ATP1B3: variants seen among roughly 807,000 people sequenced by gnomAD.
ATP1B3 encodes sodium/potassium-transporting ATPase subunit beta-3.
ATP1B3 carries 10 observed loss-of-function variants against 30.2 expected under a neutral mutation model. The observed-to-expected ratio is 0.33, with a 90% confidence interval of 0.20 to 0.56. ATP1B3 has a LOEUF of 0.56. Among genes scored for constraint, ATP1B3 ranks in the 20% least tolerant of loss-of-function variants. ATP1B3 has a pLI of 0.90. For synonymous variants in ATP1B3, 113 were observed against 117.0 expected (o/e 0.97, Z 0.22); for missense variants, 238 against 336.7 (o/e 0.71, Z 2.29).
chr3:141,885,205 C>G (rs1933805080), intron 1 of ATP1B3, among the ~76,000 whole-genome samples: 1 of 152,172 alleles, frequency 6.6e-6, no homozygotes, highest in Non-Finnish European at 1.5e-5. Context: ...CCTCTTGAAT[C>G]TTTGTGGCCC....
At chr3:141,895,144 A>T (rs1289724674) in intron 1 of ATP1B3, among the ~76,000 whole-genome samples, 2 of 148,492 alleles carry the variant, frequency 1.3e-5, no homozygotes, top group Non-Finnish European at 3.0e-5. Flanking sequence ...CTCATAGGAG[A>T]TGACAGCTCC....
At chr3:141,922,267 A>T in intron 6 of ATP1B3, 1 of 412,782 alleles carries the variant, frequency 2.4e-6, no homozygotes, top group Non-Finnish European at 4.4e-6. Context: ...CAGATACGTT[A>T]AAGTTAGATG....
intron 6 of ATP1B3, 29 bp from the exon 7 acceptor site, chr3:141,925,502 G>A: frequency 6.4e-7 from 1 of 1,572,212 alleles, no homozygotes; most frequent in East Asian, 2.2e-5. Context: ...CATAGAGTTT[G>A]AATTAATATA....
chr3:141,898,156 G>T (rs1934103335), intron 1 of ATP1B3, among the ~76,000 whole-genome samples: 1 of 152,136 alleles, frequency 6.6e-6, no homozygotes, highest in South Asian at 2.1e-4. Flanking sequence ...AAAATTCTTA[G>T]AAGTAAACAT....
intron 2 of ATP1B3, among the ~76,000 whole-genome samples, chr3:141,905,099 A>C (rs1934240199): frequency 6.6e-6 from 1 of 152,158 alleles, no homozygotes; most frequent in South Asian, 2.1e-4. Flanking sequence ...AAGAAACAGT[A>C]ATGTGCAGAA....
chr3:141,880,334 G>A (rs1933698918), intron 1 of ATP1B3, among the ~76,000 whole-genome samples: 1 of 152,156 alleles, frequency 6.6e-6, no homozygotes, highest in South Asian at 2.1e-4. Flanking sequence ...GTTACTTCAT[G>A]TGATTTTCAC....
At position 141,903,721 on chromosome 3, in the gene ATP1B3, A is replaced by C; in HGVS notation, c.211A>C (p.Lys71Gln). ...MLQTLNDEVPKYRDQIPSPGL... is the reference protein window; with the variant it reads ...MLQTLNDEVPQYRDQIPSPGL... ...TCAGACTCTCAACGATGAGGTTCCA[A>C]AATACCGTGACCAGATTCCTAGCCC... Residue 71 changes from lysine (K) to glutamine (Q), a missense_variant, in exon 2 of 7, where the codon AAA becomes CAA. Physicochemically the swap from Lys to Gln is moderately conservative, Grantham distance 53 (BLOSUM62 1). Around this residue, in one of 3 missense-constraint regions of ATP1B3, gnomAD observed 130 missense variants for 148.8 expected, o/e 0.87. Transcript: ENST00000286371. 6.2e-7 allele frequency: 1 copy of C among 1,614,036 alleles called. No individual in the cohort carries two copies. The highest frequency in any genetic ancestry group is 8.5e-7 in the Non-Finnish European group (1 of 1,179,952).
chr3:141,890,084 T>G (rs55945175), intron 1 of ATP1B3, among the ~76,000 whole-genome samples: 14,581 of 106,706 alleles, frequency 0.14, 921 homozygotes, highest in Middle Eastern at 0.19. Context: ...CTAATTTTTT[T>G]TCTTTTTTTT....
At chr3:141,891,644 CCTA>C (rs970040367) in intron 1 of ATP1B3, among the ~76,000 whole-genome samples, 20 of 152,140 alleles carry the variant, frequency 1.3e-4, no homozygotes, top group African/African-American at 4.6e-4. Context: ...TTAAATCTCT[CCTA>C]CTTTCTTTGT....
At chr3:141,900,909 A>G (rs114327426) in intron 1 of ATP1B3, among the ~76,000 whole-genome samples, 201 of 152,140 alleles carry the variant, frequency 1.3e-3, no homozygotes, top group African/African-American at 4.7e-3. Context: ...CAGCCTCTCA[A>G]GTAGCTGGAA....
chr3:141,925,568 G>C lies in ATP1B3; in HGVS notation c.707G>C (p.Ser236Thr). The change falls in exon 7 of 7, where the codon AGC (serine) becomes ACC (threonine). Residue 236 changes from serine to threonine, a missense_variant. Transcript: ENST00000286371. ...CAGCCATTGGTTGCTGTTCAGGTCA[G>C]CTTTGCTCCTAACAACACTGGGAAA... ...YLQPLVAVQV[S>T]FAPNNTGKEV... 1 of 1,613,720 alleles carries C rather than the reference G, an allele frequency of 6.2e-7. No individual in the cohort carries two copies.
chr3:141,921,130 G>GT (rs1559874475), intron 5 of ATP1B3, among the ~76,000 whole-genome samples: 8 of 152,068 alleles, frequency 5.3e-5, no homozygotes, highest in African/African-American at 1.9e-4. Flanking sequence ...CTAGTGTTCC[G>GT]TAAGCCCAGC....
In ATP1B3 at chr3:141,913,741, T is replaced by G. The variant is rs765178361; in HGVS notation, c.436T>G (p.Phe146Val). The G allele has an allele frequency of 6.2e-7, 1 of 1,614,038 alleles. No individual in the cohort carries two copies. Among genetic ancestry groups the G allele is most frequent in the Admixed American group, 1.7e-5 (1 of 60,024 alleles). The change falls in exon 4 of 7, where the codon TTT (phenylalanine) becomes GTT (valine). Residue 146 changes from phenylalanine to valine, a missense_variant. Physicochemically the swap from Phe to Val is conservative, Grantham distance 50 (BLOSUM62 -1). This residue lies in a region of ATP1B3 where 58 missense variants were observed against 125.6 expected (regional missense o/e 0.46). Coordinates refer to ENST00000286371, the MANE Select transcript of ATP1B3 (RefSeq NM_001679.4). ...GGGTCCAGTTTATGTTGCATGTCAG[T>G]TTCCTATTTCATTACTTCAAGCATG... ...QKGPVYVACQ[F>V]PISLLQACSG...
intron 5 of ATP1B3, among the ~76,000 whole-genome samples, chr3:141,919,252 C>T (rs766791466): frequency 4.0e-5 from 6 of 149,310 alleles, no homozygotes; most frequent in Non-Finnish European, 8.9e-5. Flanking sequence ...AAAATACAAA[C>T]ACTTAACATA....
intron 2 of ATP1B3, among the ~76,000 whole-genome samples, chr3:141,904,749 G>A (rs1329847909): frequency 9.3e-6 from 1 of 107,244 alleles, no homozygotes; most frequent in African/African-American, 3.7e-5. Context: ...TGCTCCTGTT[G>A]CCTAGGCTGG....
intron 4 of ATP1B3, among the ~76,000 whole-genome samples, chr3:141,914,316 CAG>C (rs1333408385): frequency 1.3e-5 from 2 of 152,118 alleles, no homozygotes; most frequent in Non-Finnish European, 2.9e-5. Context: ...AATTAGATAA[CAG>C]AAATACAAAT....
chr3:141,922,395 G>A (rs909646437), intron 6 of ATP1B3, among the ~76,000 whole-genome samples: 1 of 151,600 alleles, frequency 6.6e-6, no homozygotes, highest in African/African-American at 2.4e-5. Context: ...GCTTACTCCT[G>A]TAATCACAGC....
intron 3 of ATP1B3, among the ~76,000 whole-genome samples, chr3:141,909,749 T>G (rs1343444028): frequency 1.3e-5 from 2 of 152,172 alleles, no homozygotes; most frequent in African/African-American, 4.8e-5. Context: ...TTCTTTGGCT[T>G]TTACAGTGAC....
intron 3 of ATP1B3, among the ~76,000 whole-genome samples, chr3:141,908,068 C>CTTTTTTTTT (rs56374653): frequency 1.8e-3 from 198 of 109,102 alleles, no homozygotes; most frequent in East Asian, 4.0e-3. Flanking sequence ...GCCAGGCATT[C>CTTTTTTTTT]TTTTTTTTTT....
Sources: allele counts gnomAD v4.1 joint callset (sites outside exome capture counted in the v4.1 genomes callset), GRCh38; gene constraint gnomAD v4.1.1; regional missense constraint gnomAD v4.1.1; transcripts MANE v1.5; gene names NCBI Gene and HGNC (gene_info 2026-07-23, HGNC 2026-07-21).